The following KRT80 variants were observed in gnomAD, a reference collection of about 807,000 sequenced individuals.
KRT80 encodes the protein keratin 80.
In KRT80, 36 loss-of-function variants were observed where a neutral mutation model predicts 51.5. The observed-to-expected ratio is 0.70, with a 90% CI of 0.54 to 0.92. KRT80 has a LOEUF of 0.92. Ranked by LOEUF, KRT80 falls within the 40% of genes least tolerant of loss-of-function variation. KRT80 has a pLI of 0.00. For synonymous variants in KRT80, 235 were observed against 248.3 expected, an observed-to-expected ratio of 0.95 and a Z score of 0.50; for missense variants, 566 against 591.7, an observed-to-expected ratio of 0.96 and a Z score of 0.45.
chr12:52,178,397 CTT>C (rs1941267747), intron 4 of KRT80, among the ~76,000 whole-genome samples: 1 of 152,230 alleles, frequency 6.6e-6, no homozygotes, highest in Non-Finnish European at 1.5e-5. Flanking sequence ...AGACTTCTTT[CTT>C]TTTCTTTAAT....
At chr12:52,173,240 T>C in intron 5 of KRT80, 77 bp from the exon 6 acceptor site, 5 of 1,447,546 alleles carry the variant, frequency 3.5e-6, no homozygotes, top group Non-Finnish European at 4.6e-6. Context: ...CTGCTTTTTC[T>C]TGCATCCTCC....
At chr12:52,188,415 A>T (rs1394762516) in intron 1 of KRT80, among the ~76,000 whole-genome samples, 4 of 152,206 alleles carry the variant, frequency 2.6e-5, no homozygotes, top group Non-Finnish European at 5.9e-5. Flanking sequence ...CGAGCAGCCT[A>T]AACTGGAACT....
In KRT80 at chr12:52,190,976, G is replaced by A. The variant is rs374452022; in HGVS notation, c.300+627C>T. ...GATGCACCTCCCGCAGTCAGGAGGG[G>A]CGCAGGGTGCAGGAAGGCCCAACTG... is the stretch of plus-strand genomic sequence containing the variant. On this transcript the variant is annotated intron_variant, in intron 1 of 8. Coordinates refer to ENST00000394815, the MANE Select transcript of KRT80 (RefSeq NM_182507.3). Among the ~76,000 whole-genome samples the A allele has an allele frequency of 3.9e-5, 6 of 152,104 alleles. No individual in the cohort carries two copies. The East Asian group carries it at 5.8e-4, about 15-fold the overall frequency.
At chr12:52,183,621 AGCAGGCGGATAGAAACCAGGCG>A (rs1941358258) in intron 2 of KRT80, among the ~76,000 whole-genome samples, 2 of 152,250 alleles carry the variant, frequency 1.3e-5, no homozygotes, top group South Asian at 4.1e-4. Flanking sequence ...AGAGTCAGGT[AGCAGGCGGATAGAAACCAGGCG>A]GCAGGCCAAA....
chr12:52,178,873 TAA>T (rs547760428), intron 4 of KRT80, among the ~76,000 whole-genome samples: 2 of 140,776 alleles, frequency 1.4e-5, no homozygotes, highest in African/African-American at 2.6e-5. Context: ...ACAGAAATAG[TAA>T]AAAAAAAAAA....
chr12:52,176,330 G>A (rs1209509035), intron 4 of KRT80, among the ~76,000 whole-genome samples: 1 of 152,198 alleles, frequency 6.6e-6, no homozygotes, highest in Non-Finnish European at 1.5e-5. Flanking sequence ...ACAGTTTAGG[G>A]TTTCCCTTAG....
At chr12:52,178,565 C>T (rs375048590) in intron 4 of KRT80, among the ~76,000 whole-genome samples, 3 of 152,316 alleles carry the variant, frequency 2.0e-5, no homozygotes, top group Admixed American at 6.5e-5. Flanking sequence ...CCGGCTCCAG[C>T]GCAGCACCCG....
Position 52,171,660 on chromosome 12 carries a change from GT to G in KRT80, c.1231del (p.Thr411ProfsTer23). On this transcript the variant is annotated frameshift_variant, in exon 8 of 9. Coordinates refer to ENST00000394815, the MANE Select transcript of KRT80 (RefSeq NM_182507.3). LOFTEE classifies it high-confidence loss of function. ...GTTCTCGGGGCAAGAGGACTCACCGGTTTTGCACCTGGACTGCACAGCGCTG... is the reference window on the plus strand; with the variant it reads ...GTTCTCGGGGCAAGAGGACTCACCGGTTTGCACCTGGACTGCACAGCGCTG... ...VVSAVQSRCK[T>X]AASRSGLSKA... 7.5e-7 allele frequency: 1 copy of G among 1,341,092 alleles called. No individual in the cohort carries two copies. 83.1% of individuals were successfully genotyped at this position (1,341,092 alleles called of 1,614,324 possible).
In KRT80 at chr12:52,173,038, A is replaced by G. The variant is rs570516588; in HGVS notation, c.957T>C (p.His319=). The G allele has an allele frequency of 6.2e-7, 1 of 1,605,606 alleles. No individual in the cohort carries two copies. The highest frequency in any genetic ancestry group is 8.5e-7 in the Non-Finnish European group (1 of 1,174,154). The part of the protein sequence containing the change: ...LRSQILSVKS[H]CLKLEENIKT... ...CCAGGCGCGTCCCCCAGATACTCAC[A>G]TGGCTCTTGACAGAGAGGATCTGGG... The change falls in exon 6 of 9, where the codon CAT becomes CAC. Residue 319 remains histidine (H), a splice_region_variant and synonymous_variant. Transcript: ENST00000394815.
At position 52,172,941 on chromosome 12, in the gene KRT80, A is replaced by AG. The variant is rs1036151309; in HGVS notation, c.957+96dup. Reference sequence around the variant, plus strand: ...CACAGAGGCGCTAAGCGACCCACACAGGGTCACTCAGTCATGTCTTGCCTG... The same window carrying AG: ...CACAGAGGCGCTAAGCGACCCACACAGGGGTCACTCAGTCATGTCTTGCCTG... On this transcript the variant is annotated intron_variant, in intron 6 of 8. Coordinates refer to ENST00000394815, the MANE Select transcript of KRT80 (RefSeq NM_182507.3). 2.3e-4 allele frequency: 315 copies of AG among 1,395,782 alleles called. 2 individuals are homozygous for AG. Among genetic ancestry groups the AG allele is most frequent in the South Asian group, 5.6e-4 (39 of 69,418 alleles). The allele number at this position is 1,395,782 out of a possible 1,614,324, so 86.5% of individuals were successfully genotyped here. A position where few individuals can be genotyped will look rare whatever the true frequency, so the allele number is the denominator to read the frequency against.
At chr12:52,172,753 T>G (rs1272608661) in intron 6 of KRT80, among the ~76,000 whole-genome samples, 1 of 152,112 alleles carries the variant, frequency 6.6e-6, no homozygotes, top group African/African-American at 2.4e-5. Context: ...TTGGTGGGGG[T>G]TCCCAGGAGG....
intron 4 of KRT80, among the ~76,000 whole-genome samples, chr12:52,173,976 C>T (rs1264773916): frequency 2.0e-5 from 3 of 152,250 alleles, no homozygotes; most frequent in Non-Finnish European, 4.4e-5. Context: ...GCTCACCCAC[C>T]CACAGTCCCC....
chr12:52,175,052 C>T (rs1271690064), intron 4 of KRT80, among the ~76,000 whole-genome samples: 1 of 152,146 alleles, frequency 6.6e-6, no homozygotes, highest in Non-Finnish European at 1.5e-5. Context: ...CATTCAGAGT[C>T]CACCCTGACC....
intron 5 of KRT80, 51 bp from the exon 6 acceptor site, chr12:52,173,214 C>A: frequency 6.6e-7 from 1 of 1,514,852 alleles, no homozygotes; most frequent in South Asian, 1.2e-5. Context: ...CCGCTCCCAG[C>A]ACTTGTTACC....
At chr12:52,180,830 G>A (rs1941307831) in intron 3 of KRT80, 73 bp downstream of exon 3, 2 of 1,609,146 alleles carry the variant, frequency 1.2e-6, no homozygotes, top group Admixed American at 3.4e-5. Flanking sequence ...ATAAAGGAGA[G>A]TAGGATATCT....
chr12:52,185,745 T>A (rs771389329), intron 1 of KRT80, 158 bp from the exon 2 acceptor site: 14 of 1,431,424 alleles, frequency 9.8e-6, no homozygotes, highest in Non-Finnish European at 1.3e-5. Context: ...GCACCTCCAA[T>A]GACTGATTGT....
chr12:52,176,491 T>G (rs1337485485), intron 4 of KRT80, among the ~76,000 whole-genome samples: 1 of 151,718 alleles, frequency 6.6e-6, no homozygotes, highest in Non-Finnish European at 1.5e-5. Context: ...TCTTTTTTTT[T>G]TTTTTTTGAG....
At position 52,191,852 on chromosome 12, in the gene KRT80, C is replaced by T. The variant is rs754267911; in HGVS notation, c.51G>A (p.Glu17=). 2.5e-5 allele frequency: 39 copies of T among 1,546,246 alleles called. No individual in the cohort carries two copies. The South Asian group carries it at 3.6e-4, about 14-fold the overall frequency. ...VVGFSSLSSC[E]VTPVGSPRPG... ...GCCGGGGGCTGCCCACCGGGGTCAC[C>T]TCACAGCTGCTGAGGCTGCTGAAGC... Residue 17 remains glutamate, a synonymous_variant, in exon 1 of 9, where the codon GAG becomes GAA. Coordinates refer to ENST00000394815, the MANE Select transcript of KRT80 (RefSeq NM_182507.3).
chr12:52,187,629 T>C (rs1027412927), intron 1 of KRT80, among the ~76,000 whole-genome samples: 14 of 152,148 alleles, frequency 9.2e-5, no homozygotes, highest in African/African-American at 2.9e-4. Context: ...GGGCTGCCAT[T>C]CCCCTGCATA....
Sources: gnomAD v4.1 joint callset for allele counts (sites outside exome capture counted in the v4.1 genomes callset) on GRCh38, gnomAD v4.1.1 for gene constraint, MANE v1.5 for transcripts, NCBI Gene and HGNC (gene_info 2026-07-23, HGNC 2026-07-21) for gene names.